The following OR4D9 variants were observed in gnomAD, a reference collection of about 807,000 sequenced individuals.
OR4D9 encodes the protein olfactory receptor family 4 subfamily D member 9.
In OR4D9, 2 loss-of-function variants were observed where a neutral mutation model predicts 0.8. That is an observed-to-expected ratio of 2.58 (90% confidence interval 1.06 to 8.13). OR4D9 has a LOEUF of 8.13. Among genes scored for constraint, OR4D9 ranks in the 30% most tolerant of loss-of-function variants. The pLI, the probability that OR4D9 is intolerant of heterozygous loss-of-function variation, is 0.04. For synonymous variants in OR4D9, 146 were observed against 151.2 expected (o/e 0.97, Z 0.25); for missense variants, 399 against 384.7 (o/e 1.04, Z -0.31).
At chr11:59,512,995 AATGTT>A (rs1387617864) in intron 1 of OR4D9, among the ~76,000 whole-genome samples, 1 of 152,232 alleles carries the variant, frequency 6.6e-6, no homozygotes, top group Non-Finnish European at 1.5e-5. Flanking sequence ...ATAAATGATA[AATGTT>A]ATGTTTGTTA....
rs563565968 is a variant in OR4D9, at chr11:59,518,704, T to G, written c.*2847T>G. 2 of 152,244 alleles carry G rather than the reference T, an allele frequency of 1.3e-5. No individual in the cohort carries two copies. Among genetic ancestry groups the G allele is most frequent in the South Asian group, 4.1e-4 (2 of 4,828 alleles). 9.4% of individuals were successfully genotyped at this position (152,244 alleles called of 1,614,324 possible). Reference sequence around the variant, plus strand: ...ACCTGAACATGCTCATGCTGTCTTATGCTCCACAGTCTCTAGATCCTCATA... The same window carrying G: ...ACCTGAACATGCTCATGCTGTCTTAGGCTCCACAGTCTCTAGATCCTCATA... On this transcript the variant is annotated 3_prime_UTR_variant, in exon 3 of 3. Transcript: ENST00000641962.
rs1859386531 is a variant in OR4D9, at chr11:59,515,216, T to C, written c.304T>C (p.Phe102Leu). ...CTTCAGTGGCTGTGTCACTCAAATG[T>C]TCTTCTTCCACCTTCTGGGGGGAGC... ...ISFSGCVTQMFFFHLLGGADV... is the reference protein window; with the variant it reads ...ISFSGCVTQMLFFHLLGGADV... Residue 102 changes from phenylalanine to leucine, a missense_variant, in exon 3 of 3, where the codon TTC becomes CTC. By Grantham distance (22) the Phe-to-Leu change is conservative. Transcript: ENST00000641962. The C allele has an allele frequency of 6.2e-7, 1 of 1,614,032 alleles. No individual in the cohort carries two copies. The highest frequency in any genetic ancestry group is 1.3e-5 in the African/African-American group (1 of 74,906).
In OR4D9 at chr11:59,519,846, T is replaced by TTA. The variant is rs1468064393; in HGVS notation, c.*3992_*3993dup. The TTA allele has an allele frequency of 2.6e-5, 4 of 152,178 alleles. No individual in the cohort carries two copies. The highest frequency in any genetic ancestry group is 9.7e-5 in the African/African-American group (4 of 41,450). 9.4% of individuals were successfully genotyped at this position (152,178 alleles called of 1,614,324 possible). The stretch of plus-strand genomic sequence containing the variant: ...GACTAGATGAAGAAAATGTGATACA[T>TTA]TATACACCATGGGGTACTATGCAGA... On this transcript the variant is annotated 3_prime_UTR_variant, in exon 3 of 3. Transcript: ENST00000641962.
rs138100520 is a variant in OR4D9, at chr11:59,515,734, C to T, written c.822C>T (p.Thr274=). The change falls in exon 3 of 3, where the codon ACC becomes ACT. Residue 274 remains threonine (T), a synonymous_variant. Transcript: ENST00000641962. Reference sequence around the variant, plus strand: ...CCACAGACACTGCCATCTCTGTCACCTTCACTGTCATCTCCCCTTTGCTCA... The same window carrying T: ...CCACAGACACTGCCATCTCTGTCACTTTCACTGTCATCTCCCCTTTGCTCA... The part of the protein sequence containing the change: ...ALPTDTAISV[T]FTVISPLLNP... The T allele has an allele frequency of 3.3e-4, 535 of 1,614,018 alleles. No individual in the cohort carries two copies. The highest frequency in any genetic ancestry group is 4.0e-4 in the Non-Finnish European group (475 of 1,180,052).
intron 1 of OR4D9, among the ~76,000 whole-genome samples, chr11:59,512,324 A>T: frequency 8.3e-6 from 1 of 119,922 alleles, no homozygotes; most frequent in African/African-American, 3.3e-5. Context: ...TTTGAGACAG[A>T]GTCTCACTTT....
rs911055640 is a variant in OR4D9 at position 59,517,671 on chromosome 11, A to C, written c.*1814A>C. On this transcript the variant is annotated 3_prime_UTR_variant, in exon 3 of 3. Coordinates refer to ENST00000641962, the MANE Select transcript of OR4D9 (RefSeq NM_001004711.2). ...ATGGTGAAACCCCATTTCTACTAAA[A>C]ATACAAAAATTAAGCCGGGTGTGGT... 6.6e-6 allele frequency: 1 copy of C among 152,130 alleles called. No individual in the cohort carries two copies. The highest frequency in any genetic ancestry group is 1.5e-5 in the Non-Finnish European group (1 of 68,028). The allele number at this position is 152,130 out of a possible 1,614,324, so 9.4% of individuals were successfully genotyped here.
At chr11:59,513,513 CTCTTAT>C (rs1859358279) in intron 1 of OR4D9, among the ~76,000 whole-genome samples, 1 of 152,142 alleles carries the variant, frequency 6.6e-6, no homozygotes, top group Admixed American at 6.5e-5. Context: ...TTGTGGGATT[CTCTTAT>C]ATTATTACGT....
At chr11:59,514,807 C>T (rs1023577133) in intron 2 of OR4D9, 41 bp downstream of exon 2, 1 of 784,920 alleles carries the variant, frequency 1.3e-6, no homozygotes. Flanking sequence ...AATTCTGAGC[C>T]AAATCTTAAG....
rs997373752 is a variant in OR4D9 at position 59,520,165 on chromosome 11, T to A, written c.*4308T>A. ...CTTCTTTGGGCACTCTACCCTAATG[T>A]TCTATCTCATGGAACCCTGCCCTTC... On this transcript the variant is annotated 3_prime_UTR_variant, in exon 3 of 3. Transcript: ENST00000641962. The A allele has an allele frequency of 6.6e-6, 1 of 151,988 alleles. No homozygotes were observed. The highest frequency in any genetic ancestry group is 2.1e-4 in the South Asian group (1 of 4,828). The allele number at this position is 151,988 out of a possible 1,614,324, so 9.4% of individuals were successfully genotyped here.
chr11:59,520,139 T>A lies in OR4D9; in HGVS notation c.*4282T>A, dbSNP rs775498357. 1.3e-5 allele frequency: 2 copies of A among 151,792 alleles called. No homozygotes were observed. The highest frequency in any genetic ancestry group is 4.8e-5 in the African/African-American group (2 of 41,318). 9.4% of individuals were successfully genotyped at this position (151,792 alleles called of 1,614,324 possible). A position where few individuals can be genotyped will look rare whatever the true frequency, so the allele number is the denominator to read the frequency against. On this transcript the variant is annotated 3_prime_UTR_variant, in exon 3 of 3. Transcript: ENST00000641962. ...CTACCAAGATTGTCTTCTTGGCCAA[T>A]CTTCTTTGGGCACTCTACCCTAATG...
Position 59,515,665 on chromosome 11 carries a change from C to T in OR4D9, c.753C>T (p.Phe251=), listed in dbSNP as rs771977144. 23 of 1,614,068 alleles carry T rather than the reference C, an allele frequency of 1.4e-5. No homozygotes were observed. In the East Asian group the frequency reaches 1.8e-4, roughly 13 times the overall value. ...TSHITVVTLH[F]VPCIYVYARP... The stretch of plus-strand genomic sequence containing the variant: ...ACATCACCGTGGTGACCCTGCATTT[C>T]GTGCCCTGCATCTATGTCTATGCCC... Residue 251 remains phenylalanine, a synonymous_variant, in exon 3 of 3, where the codon TTC becomes TTT. Transcript: ENST00000641962.
chr11:59,514,638 T>A, intron 1 of OR4D9, 35 bp from the exon 2 acceptor site: 1 of 335,916 alleles, frequency 3.0e-6, no homozygotes, highest in Non-Finnish European at 5.3e-6. Flanking sequence ...AAAGTACAAT[T>A]GAATAGATTC....
Position 59,515,449 on chromosome 11 carries a change from C to G in OR4D9, c.537C>G (p.Cys179Trp), listed in dbSNP as rs145873782. The G allele has an allele frequency of 1.2e-6, 2 of 1,614,048 alleles. No homozygotes were observed. Among genetic ancestry groups the G allele is most frequent in the South Asian group, 1.1e-5 (1 of 91,084 alleles). The part of the protein sequence containing the change: ...CGPNVLDTFY[C>W]DVPQVLKLAC... ...CCAATGTTCTTGACACTTTCTACTG[C>G]GATGTCCCCCAGGTCCTCAAACTTG... Residue 179 changes from cysteine to tryptophan, a missense_variant, in exon 3 of 3, where the codon TGC (cysteine) becomes TGG (tryptophan). Transcript: ENST00000641962.
At position 59,515,152 on chromosome 11, in the gene OR4D9, G is replaced by A. The variant is rs78757629; in HGVS notation, c.240G>A (p.Lys80=). The change falls in exon 3 of 3, where the codon AAG becomes AAA. Residue 80 remains lysine, a synonymous_variant. Transcript: ENST00000641962. ...DICFSSITAP[K]VLIDLLSETK... is the part of the protein sequence containing the mutation. ...GCTTTTCCTCCATCACAGCTCCTAA[G>A]GTCCTGATAGATCTTCTATCAGAGA... The A allele has an allele frequency of 1.8e-4, 284 of 1,614,094 alleles. No homozygotes were observed. In the African/African-American group the frequency reaches 3.5e-3, roughly 20 times the overall value.
In OR4D9 at chr11:59,515,107, CCTGT is replaced by C; in HGVS notation, c.198_201del (p.Ser67PhefsTer15). On this transcript the variant is annotated frameshift_variant, in exon 3 of 3. Transcript: ENST00000641962. LOFTEE classifies it low-confidence loss of function (END_TRUNC). ...CGCCCATGTACTTCCTGCTCCGCAA[CCTGT>C]CTATTCTTGACATCTGCTTTTCCTC... 1 of 1,614,152 alleles carries C rather than the reference CCTGT, an allele frequency of 6.2e-7. No homozygotes were observed. Among genetic ancestry groups the C allele is most frequent in the Non-Finnish European group, 8.5e-7 (1 of 1,180,030 alleles).
In OR4D9 at chr11:59,518,696, C is replaced by T. The variant is rs970655420; in HGVS notation, c.*2839C>T. On this transcript the variant is annotated 3_prime_UTR_variant, in exon 3 of 3. Transcript: ENST00000641962. ...GACACCTCACCTGAACATGCTCATG[C>T]TGTCTTATGCTCCACAGTCTCTAGA... 2 of 152,194 alleles carry T rather than the reference C, an allele frequency of 1.3e-5. No individual in the cohort carries two copies. Among genetic ancestry groups the T allele is most frequent in the Non-Finnish European group, 1.5e-5 (1 of 68,038 alleles). The allele number at this position is 152,194 out of a possible 1,614,324, so 9.4% of individuals were successfully genotyped here.
At chr11:59,512,464 G>A (rs185109861) in intron 1 of OR4D9, among the ~76,000 whole-genome samples, 34 of 133,352 alleles carry the variant, frequency 2.5e-4, no homozygotes, top group African/African-American at 8.8e-4. Flanking sequence ...GCGACACAGC[G>A]AGACTCCATC....
rs916870003 is a variant in OR4D9 at position 59,520,090 on chromosome 11, A to G, written c.*4233A>G. 3.3e-5 allele frequency: 5 copies of G among 151,866 alleles called. 1 individual carries two copies. The East Asian group carries it at 9.8e-4, about 30-fold the overall frequency. 9.4% of individuals were successfully genotyped at this position (151,866 alleles called of 1,614,324 possible). A position where few individuals can be genotyped will look rare whatever the true frequency, so the allele number is the denominator to read the frequency against. ...GGTGGGAAGAGTGTGAGGTCAGAAA[A>G]CTACCTATTAGGTACTATGCTCACT... On this transcript the variant is annotated 3_prime_UTR_variant, in exon 3 of 3. Transcript: ENST00000641962.
In OR4D9 at chr11:59,515,184, C is replaced by A. The variant is rs142880867; in HGVS notation, c.272C>A (p.Thr91Asn). 1.2e-6 allele frequency: 2 copies of A among 1,614,030 alleles called. No individual in the cohort carries two copies. Among genetic ancestry groups the A allele is most frequent in the Admixed American group, 1.7e-5 (1 of 60,002 alleles). ...ATAGATCTTCTATCAGAGACAAAAA[C>A]CATCTCCTTCAGTGGCTGTGTCACT... ...VLIDLLSETK[T>N]ISFSGCVTQM... is the part of the protein sequence containing the mutation. Residue 91 changes from threonine to asparagine, a missense_variant, in exon 3 of 3, where the codon ACC becomes AAC. Coordinates refer to ENST00000641962, the MANE Select transcript of OR4D9 (RefSeq NM_001004711.2).
Sources: gnomAD v4.1 joint callset for allele counts (sites outside exome capture counted in the v4.1 genomes callset) on GRCh38, gnomAD v4.1.1 for gene constraint, MANE v1.5 for transcripts, NCBI Gene and HGNC (gene_info 2026-07-23, HGNC 2026-07-21) for gene names.